The following KCNK1 variants were observed in gnomAD, a reference collection of about 807,000 sequenced individuals.
KCNK1 encodes potassium two pore domain channel subfamily K member 1.
A neutral mutation model predicts 22.2 loss-of-function variants in KCNK1; 10 were observed. The ratio of observed to expected loss-of-function variants is 0.45; its 90% CI spans 0.28 to 0.76. KCNK1 has a LOEUF of 0.76. Among genes scored for constraint, KCNK1 ranks in the 30% least tolerant of loss-of-function variants. KCNK1 has a pLI of 0.14. For synonymous variants in KCNK1, 200 were observed against 186.4 expected (o/e 1.07, Z -0.60); for missense variants, 378 against 421.0 (o/e 0.90, Z 0.89).
At chr1:233,671,203 T>A in intron 2 of KCNK1, 68 bp from the exon 3 acceptor site, 1 of 1,438,676 alleles carries the variant, frequency 7.0e-7, no homozygotes, top group Non-Finnish European at 9.7e-7. Flanking sequence ...GGTGGGGAGG[T>A]AAATCACTCG....
In KCNK1 at chr1:233,671,767, T is replaced by G; in HGVS notation, c.*237T>G. ...GAGATGTCCACCTAAAATTCATATG[T>G]GACAAAATTATCTCGACCTTACATA... On this transcript the variant is annotated 3_prime_UTR_variant, in exon 3 of 3. Transcript: ENST00000366621. 1.8e-6 allele frequency: 1 copy of G among 544,942 alleles called. No individual in the cohort carries two copies. Among genetic ancestry groups the G allele is most frequent in the Non-Finnish European group, 3.2e-6 (1 of 308,198 alleles). 33.8% of individuals were successfully genotyped at this position (544,942 alleles called of 1,614,324 possible).
rs529126584 is a variant in KCNK1, at chr1:233,642,232, C to T, written c.356-24363C>T. 3.3e-4 allele frequency among the ~76,000 whole-genome samples: 51 copies of T among 152,332 alleles called. 1 individual carries two copies. The highest frequency in any genetic ancestry group is 1.2e-3 in the African/African-American group (50 of 41,572). ...TCTACCTCATGAGATGCCTGCTCAG[C>T]TGCAGATGTGTTGTTTGTGTTAAAG... On this transcript the variant is annotated intron_variant, in intron 1 of 2. Coordinates refer to ENST00000366621, the MANE Select transcript of KCNK1 (RefSeq NM_002245.4).
chr1:233,633,317 C>T (rs1372185605), intron 1 of KCNK1, among the ~76,000 whole-genome samples: 1 of 151,620 alleles, frequency 6.6e-6, no homozygotes, highest in African/African-American at 2.4e-5. Context: ...AAGAAAGCTC[C>T]ATTGGAGTAT....
intron 1 of KCNK1, among the ~76,000 whole-genome samples, chr1:233,658,645 C>T (rs919323928): frequency 2.6e-5 from 4 of 152,264 alleles, no homozygotes; most frequent in Admixed American, 1.3e-4. Flanking sequence ...GTGTGAACAA[C>T]GTAGAGTGTA....
At chr1:233,645,295 C>A (rs1658072985) in intron 1 of KCNK1, among the ~76,000 whole-genome samples, 2 of 151,986 alleles carry the variant, frequency 1.3e-5, no homozygotes, top group African/African-American at 4.8e-5. Flanking sequence ...TGGGTGCATA[C>A]CCTAACCTCT....
chr1:233,633,215 T>C (rs1433799706), intron 1 of KCNK1, among the ~76,000 whole-genome samples: 2 of 149,200 alleles, frequency 1.3e-5, no homozygotes, highest in Admixed American at 6.8e-5. Flanking sequence ...CCATACTAGA[T>C]GGATTTGCCA....
chr1:233,639,767 AT>A (rs1365897356), intron 1 of KCNK1, among the ~76,000 whole-genome samples: 1 of 152,068 alleles, frequency 6.6e-6, no homozygotes, highest in Non-Finnish European at 1.5e-5. Context: ...ATGTTTGCTC[AT>A]TTTTGCTTTT....
intron 1 of KCNK1, among the ~76,000 whole-genome samples, chr1:233,618,750 C>T (rs531577487): frequency 3.3e-5 from 5 of 151,914 alleles, no homozygotes; most frequent in Admixed American, 6.6e-5. Flanking sequence ...TTGGTGTGTT[C>T]GCATGCACCT....
intron 1 of KCNK1, chr1:233,631,561 G>C (rs1571892759): frequency 3.1e-6 from 1 of 318,734 alleles, no homozygotes; most frequent in East Asian, 8.1e-5. Context: ...AGCCTTCTAA[G>C]AGTGCACTAA....
At chr1:233,617,645 C>T (rs1046482317) in intron 1 of KCNK1, among the ~76,000 whole-genome samples, 4 of 152,188 alleles carry the variant, frequency 2.6e-5, no homozygotes, top group Non-Finnish European at 5.9e-5. Context: ...CGGTGGCTCA[C>T]ACAGGTACTC....
chr1:233,671,228 C>T, intron 2 of KCNK1, 43 bp from the exon 3 acceptor site: 2 of 1,592,476 alleles, frequency 1.3e-6, no homozygotes, highest in East Asian at 4.5e-5. Context: ...TTGATTTATC[C>T]ATGTTGAGAT....
chr1:233,654,955 T>C (rs1658264141), intron 1 of KCNK1, among the ~76,000 whole-genome samples: 1 of 152,114 alleles, frequency 6.6e-6, no homozygotes, highest in Non-Finnish European at 1.5e-5. Flanking sequence ...AGAGAGCCCT[T>C]ACTAGAGCAA....
chr1:233,651,879 T>C (rs1052140470), intron 1 of KCNK1, among the ~76,000 whole-genome samples: 1 of 152,250 alleles, frequency 6.6e-6, no homozygotes, highest in Non-Finnish European at 1.5e-5. Flanking sequence ...TACAAGACGT[T>C]TATGTGGATT....
intron 1 of KCNK1, among the ~76,000 whole-genome samples, chr1:233,624,947 A>G (rs1657659445): frequency 6.6e-6 from 1 of 152,194 alleles, no homozygotes. Context: ...TTGGGATCGG[A>G]GATACAATTG....
intron 1 of KCNK1, among the ~76,000 whole-genome samples, chr1:233,663,816 G>A (rs575475109): frequency 2.6e-5 from 4 of 151,854 alleles, no homozygotes; most frequent in Admixed American, 6.6e-5. Context: ...TTTGCGAATC[G>A]CTTTTCAGTT....
Position 233,648,539 on chromosome 1 carries a change from G to C in KCNK1, c.356-18056G>C, listed in dbSNP as rs368174981. Among the ~76,000 whole-genome samples the C allele has an allele frequency of 3.3e-5, 5 of 151,502 alleles. No individual in the cohort carries two copies. The East Asian group carries it at 7.8e-4, about 23-fold the overall frequency. ...CTCTCCGTGGGTTATAATAACAAAG[G>C]TCTCTTTCTTTCTTGCTTGCTTGCT... On this transcript the variant is annotated intron_variant, in intron 1 of 2. Coordinates refer to ENST00000366621, the MANE Select transcript of KCNK1 (RefSeq NM_002245.4).
At chr1:233,661,580 G>A (rs554221365) in intron 1 of KCNK1, among the ~76,000 whole-genome samples, 11 of 152,192 alleles carry the variant, frequency 7.2e-5, no homozygotes, top group Non-Finnish European at 1.5e-4. Context: ...CCTTGGTCGC[G>A]TGTATTGACT....
chr1:233,632,120 A>G (rs112856843), intron 1 of KCNK1, among the ~76,000 whole-genome samples: 37 of 152,346 alleles, frequency 2.4e-4, no homozygotes, highest in African/African-American at 7.9e-4. Flanking sequence ...AAGTGGGAAT[A>G]GGACATTTGG....
At chr1:233,652,212 G>T (rs1323047533) in intron 1 of KCNK1, among the ~76,000 whole-genome samples, 1 of 152,118 alleles carries the variant, frequency 6.6e-6, no homozygotes, top group Non-Finnish European at 1.5e-5. Context: ...GCTTGGGTGG[G>T]TTAGATCTTT....
Sources: allele counts gnomAD v4.1 joint callset (sites outside exome capture counted in the v4.1 genomes callset), GRCh38; gene constraint gnomAD v4.1.1; transcripts MANE v1.5; gene names NCBI Gene and HGNC (gene_info 2026-07-23, HGNC 2026-07-21).